Variants in C11orf65 observed in about 807,000 individuals in gnomAD.
C11orf65 encodes chromosome 11 open reading frame 65.
Under a neutral mutation model 35.3 loss-of-function variants are expected in C11orf65, and 38 were observed. The ratio of observed to expected loss-of-function variants is 1.08; its 90% confidence interval spans 0.83 to 1.41. The LOEUF (loss-of-function observed/expected upper bound fraction) is 1.41, where lower values mean the gene tolerates loss of function less well. Among genes scored for constraint, C11orf65 ranks in the 40% most tolerant of loss-of-function variants. C11orf65 has a pLI of 0.00. For missense variants in C11orf65, 370 were observed against 367.1 expected, an observed-to-expected ratio of 1.01 and a Z score of -0.06; for synonymous variants, 105 against 114.4, an observed-to-expected ratio of 0.92 and a Z score of 0.53.
intron 3 of C11orf65, among the ~76,000 whole-genome samples, chr11:108,414,668 C>T (rs2092706253): frequency 6.6e-6 from 1 of 152,032 alleles, no homozygotes; most frequent in Non-Finnish European, 1.5e-5. Flanking sequence ...TATTTACAGT[C>T]TCTTCCAGAA....
chr11:108,346,350 A>G (rs545263291), intron 2 of C11orf65, among the ~76,000 whole-genome samples: 21 of 152,158 alleles, frequency 1.4e-4, no homozygotes, highest in African/African-American at 4.3e-4. Context: ...TTCAGAATAG[A>G]AACCATGAGA....
chr11:108,352,515 A>G (rs1221563820), intron 2 of C11orf65, among the ~76,000 whole-genome samples: 1 of 152,242 alleles, frequency 6.6e-6, no homozygotes, highest in Non-Finnish European at 1.5e-5. Flanking sequence ...ATCTAGGGCT[A>G]AACAGAGTTC....
intron 3 of C11orf65, among the ~76,000 whole-genome samples, chr11:108,420,860 C>T (rs754612131): frequency 1.1e-4 from 17 of 152,138 alleles, no homozygotes; most frequent in Non-Finnish European, 2.1e-4. Context: ...AGTGATCCTC[C>T]TGCCTCAGCC....
At chr11:108,455,815 CAAAAAAAAAAAA>C (rs112701513) in intron 2 of C11orf65, among the ~76,000 whole-genome samples, 1,492 of 56,284 alleles carry the variant, frequency 0.027, 33 homozygotes, top group African/African-American at 0.089. Flanking sequence ...GACTCCACCT[CAAAAAAAAAAAA>C]AAAAAAAAAA....
intron 2 of C11orf65, among the ~76,000 whole-genome samples, chr11:108,351,550 T>C (rs147124269): frequency 6.4e-4 from 98 of 152,322 alleles, no homozygotes; most frequent in African/African-American, 2.3e-3. Flanking sequence ...GCTGGAGTTA[T>C]CTTAAGACTC....
intron 2 of C11orf65, among the ~76,000 whole-genome samples, chr11:108,456,037 C>A (rs1375642635): frequency 4.0e-5 from 6 of 151,800 alleles, no homozygotes; most frequent in Non-Finnish European, 5.9e-5. Flanking sequence ...TGCCTGTAGT[C>A]CCAGCTATTT....
At chr11:108,392,099 G>A (rs146706199) in intron 7 of C11orf65, among the ~76,000 whole-genome samples, 1,877 of 152,042 alleles carry the variant, frequency 0.012, 47 homozygotes, top group African/African-American at 0.042. Context: ...CCAGACTGGA[G>A]TACAGTGGTG....
rs1555114533 is a variant in C11orf65, at chr11:108,317,368, T to A, written c.641-8297A>T. The A allele has an allele frequency of 6.2e-7, 1 of 1,610,296 alleles. No homozygotes were observed. Among genetic ancestry groups the A allele is most frequent in the Non-Finnish European group, 8.5e-7 (1 of 1,177,678 alleles). Reference sequence around the variant, plus strand: ...TAACTTAAAAACAAAATAACTCCTGTTTAGGCCTTGCAGAATTTGGGACTC... The same window carrying A: ...TAACTTAAAAACAAAATAACTCCTGATTAGGCCTTGCAGAATTTGGGACTC... On this transcript the variant is annotated intron_variant, in intron 6 of 6. Coordinates refer to the C11orf65 transcript ENST00000525729.
At position 108,454,961 on chromosome 11, in the gene C11orf65, A is replaced by C. The variant is rs569093283; in HGVS notation, c.81+6518T>G. Among the ~76,000 whole-genome samples, 15 of 152,154 alleles carry C rather than the reference A, an allele frequency of 9.9e-5. 1 individual carries two copies. The East Asian group carries it at 2.9e-3, about 29-fold the overall frequency. On this transcript the variant is annotated intron_variant, in intron 2 of 8. Transcript: ENST00000393084. ...TGTTTCTAGTTCCTTGAAGTGTAAC[A>C]TTAGGTTGTTTGAGATCTTTCTTGT...
chr11:108,459,726 T>TACACACATACACACAC, intron 2 of C11orf65, among the ~76,000 whole-genome samples: 1 of 138,666 alleles, frequency 7.2e-6, no homozygotes, highest in East Asian at 2.2e-4. Context: ...GTCCTCCGTC[T>TACACACATACACACAC]ACACACACAC....
At chr11:108,326,344 A>C in intron 6 of C11orf65, 3 of 1,325,016 alleles carry the variant, frequency 2.3e-6, no homozygotes. Flanking sequence ...ATTTATTAAC[A>C]AGATATTGTA....
chr11:108,324,427 GTCTT>G (rs1156849003), intron 6 of C11orf65, among the ~76,000 whole-genome samples: 1 of 152,114 alleles, frequency 6.6e-6, no homozygotes, highest in Non-Finnish European at 1.5e-5. Context: ...ATTTTTCTCA[GTCTT>G]TCTAATATGA....
chr11:108,430,027 T>C (rs2092962316), intron 3 of C11orf65, among the ~76,000 whole-genome samples: 3 of 152,038 alleles, frequency 2.0e-5, no homozygotes, highest in African/African-American at 7.2e-5. Context: ...GGATAGAGTT[T>C]TGGTTTTGTA....
intron 2 of C11orf65, among the ~76,000 whole-genome samples, chr11:108,357,712 C>T (rs1054964031): frequency 1.3e-5 from 2 of 152,142 alleles, no homozygotes; most frequent in Non-Finnish European, 2.9e-5. Context: ...CAGGGTACTC[C>T]AACAGACCTG....
chr11:108,400,303 G>C (rs2092414467), intron 6 of C11orf65, among the ~76,000 whole-genome samples: 2 of 152,172 alleles, frequency 1.3e-5, no homozygotes. Context: ...TTATATGCCA[G>C]ATCCTTAACT....
At chr11:108,331,168 A>C (rs2086195385), downstream of C11orf65, 1 of 1,126,708 alleles carries the variant, frequency 8.9e-7, no homozygotes, top group Non-Finnish European at 1.1e-6. Context: ...TGTCTTCCTT[A>C]GATTTTTTGG....
chr11:108,453,321 A>C (rs993916744), intron 2 of C11orf65, among the ~76,000 whole-genome samples: 1 of 152,054 alleles, frequency 6.6e-6, no homozygotes, highest in Non-Finnish European at 1.5e-5. Context: ...AGAAAGGGAA[A>C]AGGGAGGGGA....
At chr11:108,427,732 A>C in intron 3 of C11orf65, among the ~76,000 whole-genome samples, 1 of 148,630 alleles carries the variant, frequency 6.7e-6, no homozygotes, top group African/African-American at 2.5e-5. Flanking sequence ...AAAAAAAAAA[A>C]AAAAAAAAAA....
Position 108,367,588 on chromosome 11 carries a change from C to T in C11orf65, c.226+25620G>A, listed in dbSNP as rs142456486. Reference sequence around the variant, plus strand: ...TGTTCATCCCAGCTGCGGAGATTAACAAATGGGTGATTGAGCTTTCTCCTC... The same window carrying T: ...TGTTCATCCCAGCTGCGGAGATTAATAAATGGGTGATTGAGCTTTCTCCTC... On this transcript the variant is annotated intron_variant, in intron 2 of 3. Transcript: ENST00000524755. 6.6e-3 allele frequency: 1,365 copies of T among 207,382 alleles called. 13 individuals carry two copies. The highest frequency in any genetic ancestry group is 0.024 in the African/African-American group (1,077 of 43,980). 12.8% of individuals were successfully genotyped at this position (207,382 alleles called of 1,614,324 possible).
Sources: gnomAD v4.1 joint callset for allele counts (sites outside exome capture counted in the v4.1 genomes callset) on GRCh38, gnomAD v4.1.1 for gene constraint, MANE v1.5 for transcripts, NCBI Gene and HGNC (gene_info 2026-07-23, HGNC 2026-07-21) for gene names.